PLD5: variants seen among roughly 807,000 people sequenced by gnomAD.
The protein encoded by PLD5 is inactive phospholipase D5.
PLD5 carries 36 observed loss-of-function variants against 61.1 expected under a neutral mutation model. The ratio of observed to expected loss-of-function variants is 0.59; its 90% CI spans 0.45 to 0.78. The LOEUF (loss-of-function observed/expected upper bound fraction) is 0.78. Ranked by LOEUF, PLD5 falls within the 30% of genes least tolerant of loss-of-function variation. PLD5 has a pLI of 0.00. For missense variants in PLD5, 515 were observed against 644.4 expected, an observed-to-expected ratio of 0.80 and a Z score of 2.17; for synonymous variants, 243 against 242.8, an observed-to-expected ratio of 1.00 and a Z score of -0.01.
At chr1:242,189,163 TGGGCCA>T (rs1668084106) in intron 5 of PLD5, among the ~76,000 whole-genome samples, 1 of 152,286 alleles carries the variant, frequency 6.6e-6, no homozygotes, top group African/African-American at 2.4e-5. Flanking sequence ...TTCAAGGCTC[TGGGCCA>T]GGTGTGGTGG....
intron 1 of PLD5, among the ~76,000 whole-genome samples, chr1:242,510,704 G>A (rs2103000442): frequency 6.6e-6 from 1 of 152,206 alleles, no homozygotes; most frequent in South Asian, 2.1e-4. Context: ...AAATAGCTGG[G>A]CGGGGTGGCA....
intron 2 of PLD5, among the ~76,000 whole-genome samples, chr1:242,329,805 C>T (rs889379454): frequency 6.6e-6 from 1 of 152,138 alleles, no homozygotes; most frequent in Non-Finnish European, 1.5e-5. Context: ...TTTATGTATG[C>T]TATCTCGACT....
intron 1 of PLD5, among the ~76,000 whole-genome samples, chr1:242,472,330 G>GC (rs1667470597): frequency 6.6e-6 from 1 of 152,198 alleles, no homozygotes; most frequent in Admixed American, 6.5e-5. Context: ...TTGCTTCGAT[G>GC]CCTTTGAACA....
chr1:242,298,891 A>T (rs1473584634), intron 2 of PLD5, among the ~76,000 whole-genome samples: 1 of 152,166 alleles, frequency 6.6e-6, no homozygotes, highest in East Asian at 1.9e-4. Context: ...AAAAGAGGAA[A>T]ACGGTGGAAC....
chr1:242,093,095 A>T (rs1659964483), intron 9 of PLD5, among the ~76,000 whole-genome samples: 1 of 152,280 alleles, frequency 6.6e-6, no homozygotes, highest in African/African-American at 2.4e-5. Flanking sequence ...TAAATTAGTG[A>T]ACTGTCTTCC....
intron 6 of PLD5, among the ~76,000 whole-genome samples, chr1:242,118,039 G>C (rs1322468482): frequency 6.6e-6 from 1 of 152,094 alleles, no homozygotes; most frequent in Admixed American, 6.5e-5. Context: ...CCAGATTTTG[G>C]TTTTGGGGAG....
intron 5 of PLD5, among the ~76,000 whole-genome samples, chr1:242,188,990 A>C (rs998901448): frequency 5.9e-5 from 9 of 151,980 alleles, no homozygotes; most frequent in Non-Finnish European, 1.5e-5. Context: ...TAAACAAACA[A>C]ACAAACAAAA....
chr1:242,250,273 T>C (rs1207812452), intron 4 of PLD5, among the ~76,000 whole-genome samples: 1 of 152,174 alleles, frequency 6.6e-6, no homozygotes, highest in Non-Finnish European at 1.5e-5. Flanking sequence ...TCAACTAACA[T>C]TTATTTATTG....
At chr1:242,325,937 T>C (rs1658746809) in intron 2 of PLD5, among the ~76,000 whole-genome samples, 2 of 152,034 alleles carry the variant, frequency 1.3e-5, no homozygotes, top group East Asian at 1.9e-4. Flanking sequence ...ACCCAGCCTG[T>C]AGTGCAGTGG....
At chr1:242,398,805 C>G (rs1342934853) in intron 1 of PLD5, among the ~76,000 whole-genome samples, 2 of 152,176 alleles carry the variant, frequency 1.3e-5, no homozygotes, top group Admixed American at 1.3e-4. Flanking sequence ...ATTAAAACGT[C>G]AGACTTGAGA....
In PLD5 at chr1:242,515,199, CGT is replaced by C. The variant is rs139035471; in HGVS notation, c.189+8887_189+8888del. Among the ~76,000 whole-genome samples the C allele has an allele frequency of 1.9e-3, 287 of 148,860 alleles. 1 individual carries two copies. Among genetic ancestry groups the C allele is most frequent in the African/African-American group, 5.4e-3 (216 of 39,960 alleles). On this transcript the variant is annotated intron_variant, in intron 1 of 9. Transcript: ENST00000536534. Reference sequence around the variant, plus strand: ...TGCTTCAGCTTTGCCTTTGTGTGTGCGTGTGTGTGTGTGTGTGTGTGAGAGAG... The same window carrying C: ...TGCTTCAGCTTTGCCTTTGTGTGTGCGTGTGTGTGTGTGTGTGTGAGAGAG...
At chr1:242,348,362 T>A in intron 1 of PLD5, 120 bp from the exon 2 acceptor site, 1 of 1,115,612 alleles carries the variant, frequency 9.0e-7, no homozygotes, top group Non-Finnish European at 1.2e-6. Flanking sequence ...TATCACTGCC[T>A]AGAAGGGAAA....
intron 1 of PLD5, among the ~76,000 whole-genome samples, chr1:242,373,482 T>C (rs544654192): frequency 1.2e-4 from 18 of 152,334 alleles, no homozygotes; most frequent in African/African-American, 4.1e-4. Context: ...ATCATGCTGC[T>C]ATAAAGACAC....
intron 1 of PLD5, among the ~76,000 whole-genome samples, chr1:242,374,656 C>T (rs1412999153): frequency 1.3e-5 from 2 of 152,138 alleles, no homozygotes; most frequent in Non-Finnish European, 2.9e-5. Context: ...CCAGAGACAG[C>T]CCTGCCCCAC....
chr1:242,144,649 C>T (rs888510952), intron 5 of PLD5, among the ~76,000 whole-genome samples: 2 of 152,098 alleles, frequency 1.3e-5, no homozygotes, highest in Non-Finnish European at 2.9e-5. Context: ...GGTGTGGTGG[C>T]ACGTGCCTGT....
chr1:242,291,529 A>G (rs999222942), intron 2 of PLD5, among the ~76,000 whole-genome samples: 2 of 152,058 alleles, frequency 1.3e-5, no homozygotes, highest in Non-Finnish European at 2.9e-5. Context: ...ACAACGGGCC[A>G]GGTGCGGTGG....
intron 5 of PLD5, among the ~76,000 whole-genome samples, chr1:242,188,324 G>A (rs905121126): frequency 2.0e-5 from 3 of 152,172 alleles, no homozygotes; most frequent in African/African-American, 7.2e-5. Flanking sequence ...AGAAATTGCA[G>A]CCATGTTATT....
At chr1:242,512,288 C>T (rs1259572555) in intron 1 of PLD5, among the ~76,000 whole-genome samples, 5 of 151,418 alleles carry the variant, frequency 3.3e-5, no homozygotes, top group Admixed American at 6.6e-5. Flanking sequence ...GGCATGGTGG[C>T]GGGTGCCTCT....
rs369750041 is a variant in PLD5, at chr1:242,245,723, C to T, written c.607+19614G>A. 5.2e-4 allele frequency among the ~76,000 whole-genome samples: 79 copies of T among 152,246 alleles called. No homozygotes were observed. In the South Asian group the frequency reaches 0.015, roughly 28 times the overall value. Reference sequence around the variant, plus strand: ...AATGAGGAAATTTCCCTGGGAGAATCGGGGGTGGGAATGGGAATTTGTTCT... The same window carrying T: ...AATGAGGAAATTTCCCTGGGAGAATTGGGGGTGGGAATGGGAATTTGTTCT... On this transcript the variant is annotated intron_variant, in intron 4 of 9. Transcript: ENST00000536534.
Sources: allele counts gnomAD v4.1 joint callset (sites outside exome capture counted in the v4.1 genomes callset), GRCh38; gene constraint gnomAD v4.1.1; transcripts MANE v1.5; gene names NCBI Gene and HGNC (gene_info 2026-07-23, HGNC 2026-07-21).